Variants in SLIT2 observed in about 807,000 individuals in gnomAD.
SLIT2 encodes the protein slit homolog 2 protein.
SLIT2 carries 41 observed loss-of-function variants against 185.7 expected under a neutral mutation model. The ratio of observed to expected loss-of-function variants is 0.22; its 90% confidence interval spans 0.17 to 0.29. The LOEUF is 0.29. SLIT2 is among the 10% of genes least tolerant of loss of function. SLIT2 has a pLI of 1.00. For missense variants in SLIT2, 1,571 were observed against 1,909.0 expected, an observed-to-expected ratio of 0.82 and a Z score of 3.30; for synonymous variants, 693 against 680.2, an observed-to-expected ratio of 1.02 and a Z score of -0.29.
chr4:20,351,997 G>C (rs1029140010), intron 4 of SLIT2, among the ~76,000 whole-genome samples: 1 of 152,132 alleles, frequency 6.6e-6, no homozygotes, highest in Non-Finnish European at 1.5e-5. Flanking sequence ...TTTAAATCAT[G>C]CACATGCTTG....
chr4:20,393,839 C>T (rs1725654012), intron 4 of SLIT2, among the ~76,000 whole-genome samples: 3 of 151,986 alleles, frequency 2.0e-5, no homozygotes, highest in Admixed American at 2.0e-4. Context: ...AGCTGAACTG[C>T]GTGGGTTGTT....
At chr4:20,416,951 T>A (rs1727735016) in intron 4 of SLIT2, among the ~76,000 whole-genome samples, 1 of 142,994 alleles carries the variant, frequency 7.0e-6, no homozygotes, top group Non-Finnish European at 1.5e-5. Context: ...TTTTTAAAAC[T>A]GCTATCAAAT....
At chr4:20,505,006 G>A (rs1358575002) in intron 9 of SLIT2, among the ~76,000 whole-genome samples, 2 of 151,976 alleles carry the variant, frequency 1.3e-5, no homozygotes, top group Non-Finnish European at 2.9e-5. Flanking sequence ...AGGGGGTCTT[G>A]GAATGCATCC....
In SLIT2 at chr4:20,313,790, C is replaced by T. The variant is rs1031358392; in HGVS notation, c.395+44909C>T. On this transcript the variant is annotated intron_variant, in intron 4 of 36. Coordinates refer to ENST00000504154, the MANE Select transcript of SLIT2 (RefSeq NM_004787.4). ...GGCAAAAGGGTTTGTCCTCCTATGA[C>T]GATCTTACGCGGCTGCTGATCTGAA... 6.6e-5 allele frequency among the ~76,000 whole-genome samples: 10 copies of T among 152,002 alleles called. 1 individual carries two copies. Among genetic ancestry groups the T allele is most frequent in the South Asian group, 4.2e-4 (2 of 4,814 alleles).
chr4:20,606,197 T>C (rs188817939), intron 33 of SLIT2, among the ~76,000 whole-genome samples: 10 of 152,282 alleles, frequency 6.6e-5, no homozygotes, highest in African/African-American at 2.4e-4. Context: ...TAAAATACTA[T>C]CTTAAAAACC....
intron 4 of SLIT2, among the ~76,000 whole-genome samples, chr4:20,447,066 T>C (rs180978910): frequency 2.0e-4 from 31 of 152,302 alleles, no homozygotes; most frequent in Admixed American, 7.2e-4. Context: ...TGATCAATGC[T>C]TGCCTCGAGG....
intron 18 of SLIT2, among the ~76,000 whole-genome samples, chr4:20,538,672 A>C (rs899586025): frequency 6.6e-6 from 1 of 151,868 alleles, no homozygotes; most frequent in Admixed American, 6.6e-5. Flanking sequence ...CTTTTTGTTC[A>C]GTTTTTAAGC....
At chr4:20,472,386 G>GATATATAGATATCTATATATCTATATATA (rs1560453735) in intron 5 of SLIT2, among the ~76,000 whole-genome samples, 14 of 38,396 alleles carry the variant, frequency 3.6e-4, no homozygotes, top group African/African-American at 7.1e-4. Context: ...CTATATATAT[G>GATATATAGATATCTATATATCTATATATA]TAGATATATA....
chr4:20,308,943 C>T (rs1717826971), intron 4 of SLIT2, among the ~76,000 whole-genome samples: 1 of 152,008 alleles, frequency 6.6e-6, no homozygotes, highest in East Asian at 1.9e-4. Context: ...AAGACTATGT[C>T]ATTCTTCATT....
Position 20,518,229 on chromosome 4 carries a change from A to ATGTG in SLIT2, c.1059-1145_1059-1142dup, listed in dbSNP as rs1422869882. Among the ~76,000 whole-genome samples the ATGTG allele has an allele frequency of 2.3e-3, 277 of 118,458 alleles. 2 individuals are homozygous for ATGTG. Among genetic ancestry groups the ATGTG allele is most frequent in the African/African-American group, 7.8e-3 (244 of 31,362 alleles). 77.7% of individuals were successfully genotyped at this position (118,458 alleles called of 152,430 possible). ...TATATTTATATATATATACATATAT[A>ATGTG]TGTGTGTGTGTATATATATATATAT... On this transcript the variant is annotated intron_variant, in intron 11 of 36. Transcript: ENST00000504154.
chr4:20,518,173 A>ATT, intron 11 of SLIT2, among the ~76,000 whole-genome samples: 1 of 145,464 alleles, frequency 6.9e-6, no homozygotes, highest in East Asian at 2.0e-4. Flanking sequence ...ATATACATAT[A>ATT]TTTATATATA....
intron 4 of SLIT2, among the ~76,000 whole-genome samples, chr4:20,389,716 TTGAA>T (rs941604064): frequency 1.4e-4 from 22 of 152,066 alleles, no homozygotes; most frequent in African/African-American, 5.1e-4. Context: ...ATCTGGTACT[TTGAA>T]TGAGGAGCAG....
At chr4:20,393,762 A>G (rs1577567876) in intron 4 of SLIT2, 1 of 152,070 alleles carries the variant, frequency 6.6e-6, no homozygotes, top group East Asian at 1.9e-4. Flanking sequence ...ACATAAGAGG[A>G]TGAAGCCATT....
At chr4:20,436,426 C>T (rs536367398) in intron 4 of SLIT2, among the ~76,000 whole-genome samples, 58 of 152,260 alleles carry the variant, frequency 3.8e-4, no homozygotes, top group Non-Finnish European at 4.6e-4. Context: ...ATGTGTTTTC[C>T]GGAATTTCCT....
chr4:20,342,580 TAATC>T (rs370050338), intron 4 of SLIT2, among the ~76,000 whole-genome samples: 2 of 152,262 alleles, frequency 1.3e-5, no homozygotes, highest in Admixed American at 6.5e-5. Context: ...TAAATCTAAT[TAATC>T]TATGATTTAG....
intron 29 of SLIT2, among the ~76,000 whole-genome samples, chr4:20,587,120 G>A (rs759118714): frequency 6.6e-6 from 1 of 151,792 alleles, no homozygotes; most frequent in Non-Finnish European, 1.5e-5. Flanking sequence ...CTGGGTTCAA[G>A]CGATTCTCCT....
At chr4:20,331,512 A>T (rs1369411333) in intron 4 of SLIT2, among the ~76,000 whole-genome samples, 2 of 149,684 alleles carry the variant, frequency 1.3e-5, no homozygotes, top group Non-Finnish European at 1.5e-5. Flanking sequence ...AGATAATTAT[A>T]GCTAACATTT....
chr4:20,594,116 T>TACACATGTGCATATATATACATATATAC (rs1244937734), intron 30 of SLIT2, among the ~76,000 whole-genome samples: 11 of 149,730 alleles, frequency 7.3e-5, no homozygotes, highest in Non-Finnish European at 1.6e-4. Context: ...CACATATATA[T>TACACATGTGCATATATATACATATATAC]ACACATGTGC....
At chr4:20,351,406 C>T (rs1248900702) in intron 4 of SLIT2, among the ~76,000 whole-genome samples, 2 of 151,900 alleles carry the variant, frequency 1.3e-5, no homozygotes, top group Non-Finnish European at 2.9e-5. Context: ...GTAGATATGA[C>T]ATTATAATAT....
Sources: allele counts gnomAD v4.1 joint callset (sites outside exome capture counted in the v4.1 genomes callset), GRCh38; gene constraint gnomAD v4.1.1; transcripts MANE v1.5; gene names NCBI Gene and HGNC (gene_info 2026-07-23, HGNC 2026-07-21).